DYNC1LI2: variants seen among roughly 807,000 people sequenced by gnomAD.
DYNC1LI2 encodes cytoplasmic dynein 1 light intermediate chain 2.
DYNC1LI2 carries 19 observed loss-of-function variants against 57.8 expected under a neutral mutation model. That is an observed-to-expected ratio of 0.33 (90% confidence interval 0.23 to 0.48). DYNC1LI2 has a LOEUF of 0.48. Among genes scored for constraint, DYNC1LI2 ranks in the 20% least tolerant of loss-of-function variants. DYNC1LI2 has a pLI of 0.99. For synonymous variants in DYNC1LI2, 256 were observed against 233.4 expected, an observed-to-expected ratio of 1.10 and a Z score of -0.88; for missense variants, 470 against 604.2, an observed-to-expected ratio of 0.78 and a Z score of 2.33.
At chr16:66,746,442 T>C (rs2017936685) in intron 3 of DYNC1LI2, among the ~76,000 whole-genome samples, 1 of 152,062 alleles carries the variant, frequency 6.6e-6, no homozygotes. Context: ...GGCTGGAAAA[T>C]GTACCATTAA....
chr16:66,745,070 A>C (rs1277062514), intron 3 of DYNC1LI2, among the ~76,000 whole-genome samples: 1 of 149,504 alleles, frequency 6.7e-6, no homozygotes, highest in Non-Finnish European at 1.5e-5. Flanking sequence ...CACTACGCCC[A>C]GCTAATTTTT....
rs371413263 is a variant in DYNC1LI2 at position 66,732,372 on chromosome 16, G to C, written c.896C>G (p.Pro299Arg). 1.2e-6 allele frequency: 2 copies of C among 1,613,624 alleles called. No homozygotes were observed. Among genetic ancestry groups the C allele is most frequent in the Non-Finnish European group, 1.7e-6 (2 of 1,179,870 alleles). ...HKTYGFHFTT[P>R]ALVVEKDAVF... ...GGCATCCTTTTCCACAACTAAGGCA[G>C]GTGTGGTGAAGTGGAAACCGTATGT... The change falls in exon 7 of 13, where the codon CCT becomes CGT. Residue 299 changes from proline (P) to arginine (R), a missense_variant. By Grantham distance (103) the Pro-to-Arg change is moderately radical (BLOSUM62 -2). Coordinates refer to ENST00000258198, the MANE Select transcript of DYNC1LI2 (RefSeq NM_006141.3).
intron 12 of DYNC1LI2, among the ~76,000 whole-genome samples, chr16:66,724,085 A>C (rs1022504853): frequency 6.6e-6 from 1 of 152,112 alleles, no homozygotes; most frequent in Non-Finnish European, 1.5e-5. Flanking sequence ...CCTTTGTGCC[A>C]AATACAAGAA....
intron 4 of DYNC1LI2, among the ~76,000 whole-genome samples, chr16:66,742,179 G>A (rs2017852281): frequency 1.3e-5 from 2 of 152,150 alleles, no homozygotes; most frequent in African/African-American, 2.4e-5. Context: ...AGGGAGTGAG[G>A]GAAGAACTCT....
intron 3 of DYNC1LI2, among the ~76,000 whole-genome samples, chr16:66,744,210 C>T (rs1002429470): frequency 6.6e-6 from 1 of 152,096 alleles, no homozygotes; most frequent in Non-Finnish European, 1.5e-5. Flanking sequence ...AGCCACCATG[C>T]CCAGCTAATT....
intron 3 of DYNC1LI2, among the ~76,000 whole-genome samples, chr16:66,742,883 G>C (rs1433692478): frequency 2.0e-5 from 3 of 152,204 alleles, no homozygotes; most frequent in Non-Finnish European, 4.4e-5. Context: ...TAGGGTCCAG[G>C]CATGGTGGCT....
At chr16:66,738,167 T>C (rs972692903) in intron 4 of DYNC1LI2, 2 of 152,054 alleles carry the variant, frequency 1.3e-5, no homozygotes, top group African/African-American at 4.8e-5. Flanking sequence ...CTGTCTTTCA[T>C]GTAACAGTGA....
chr16:66,741,756 G>A (rs1051852783), intron 4 of DYNC1LI2, among the ~76,000 whole-genome samples: 1 of 151,804 alleles, frequency 6.6e-6, no homozygotes, highest in Non-Finnish European at 1.5e-5. Context: ...TAACTGCACA[G>A]AAGCAAGGGA....
intron 12 of DYNC1LI2, 101 bp downstream of exon 12, chr16:66,725,727 T>C: frequency 8.6e-7 from 1 of 1,159,864 alleles, no homozygotes; most frequent in Non-Finnish European, 1.2e-6. Flanking sequence ...CTTGCTTGGC[T>C]ATTCAGGACA....
At position 66,722,055 on chromosome 16, in the gene DYNC1LI2, A is replaced by G. The variant is rs1009004701; in HGVS notation, c.*1667T>C. ...TGAATTAAAAAAGGAAAAAAATAGT[A>G]TATCTCAACAATAAAACTGGCACAA... On this transcript the variant is annotated 3_prime_UTR_variant, in exon 13 of 13. Transcript: ENST00000258198. 6 of 152,660 alleles carry G rather than the reference A, an allele frequency of 3.9e-5. No homozygotes were observed. The highest frequency in any genetic ancestry group is 1.9e-4 in the East Asian group (1 of 5,204). The allele number at this position is 152,660 out of a possible 1,614,324, so 9.5% of individuals were successfully genotyped here. A position where few individuals can be genotyped will look rare whatever the true frequency, so the allele number is the denominator to read the frequency against.
At chr16:66,734,169 T>A (rs758449853) in intron 6 of DYNC1LI2, 49 bp downstream of exon 6, 1 of 1,585,174 alleles carries the variant, frequency 6.3e-7, no homozygotes, top group East Asian at 2.2e-5. Context: ...AGATGCCCCA[T>A]TTGGAAGAAA....
intron 6 of DYNC1LI2, chr16:66,733,971 G>A (rs2017684815): frequency 7.0e-6 from 3 of 426,354 alleles, no homozygotes; most frequent in Non-Finnish European, 1.3e-5. Flanking sequence ...GACTAGCCTG[G>A]CCAAAGTGGT....
rs1204354693 is a variant in DYNC1LI2 at position 66,723,657 on chromosome 16, C to A, written c.*65G>T. ...TAGCATGTGCCATATCAGAAAAATCCTGGTCTTAGCAGATCAATATACATA... is the reference window on the plus strand; with the variant it reads ...TAGCATGTGCCATATCAGAAAAATCATGGTCTTAGCAGATCAATATACATA... On this transcript the variant is annotated 3_prime_UTR_variant, in exon 13 of 13. Coordinates refer to ENST00000258198, the MANE Select transcript of DYNC1LI2 (RefSeq NM_006141.3). 1 of 1,448,000 alleles carries A rather than the reference C, an allele frequency of 6.9e-7. No homozygotes were observed. The highest frequency in any genetic ancestry group is 9.4e-7 in the Non-Finnish European group (1 of 1,065,038). 89.7% of individuals were successfully genotyped at this position (1,448,000 alleles called of 1,614,324 possible).
chr16:66,736,004 T>C, intron 5 of DYNC1LI2, 71 bp downstream of exon 5: 1 of 1,534,616 alleles, frequency 6.5e-7, no homozygotes. Flanking sequence ...ACGTCAACAG[T>C]TTCTCAAACT....
At position 66,736,215 on chromosome 16, in the gene DYNC1LI2, G is replaced by C. The variant is rs771028906; in HGVS notation, c.559C>G (p.Pro187Ala). The C allele has an allele frequency of 6.2e-6, 10 of 1,613,846 alleles. No individual in the cohort carries two copies. Among genetic ancestry groups the C allele is most frequent in the Non-Finnish European group, 8.5e-7 (1 of 1,179,998 alleles). Residue 187 changes from proline (P) to alanine (A), a missense_variant, in exon 5 of 13, where the codon CCT (proline) becomes GCT (alanine). Physicochemically the swap from Pro to Ala is conservative, Grantham distance 27 (BLOSUM62 -1). Coordinates refer to ENST00000258198, the MANE Select transcript of DYNC1LI2 (RefSeq NM_006141.3). ...FVKDFQDYME[P>A]EEGCQGSPQR... The stretch of plus-strand genomic sequence containing the variant: ...GGGGAACCTTGACAACCTTCTTCAG[G>C]TTCCATATAGTCTTGAAAATCTTTC...
Position 66,725,879 on chromosome 16 carries a change from A to T in DYNC1LI2, c.1327T>A (p.Ser443Thr). The T allele has an allele frequency of 6.2e-7, 1 of 1,614,132 alleles. No individual in the cohort carries two copies. Among genetic ancestry groups the T allele is most frequent in the Non-Finnish European group, 8.5e-7 (1 of 1,180,020 alleles). ...FNSLLSKKTG[S>T]PGSPGAGGVQ... ...CCACCAGCACCAGGACTTCCAGGAG[A>T]GCCTGTCTTTTTACTCAACAGACTG... Residue 443 changes from serine to threonine, a missense_variant, in exon 12 of 13, where the codon TCT becomes ACT. Transcript: ENST00000258198.
At chr16:66,724,759 A>AC (rs1450864177) in intron 12 of DYNC1LI2, 1 of 152,188 alleles carries the variant, frequency 6.6e-6, no homozygotes, top group African/African-American at 2.4e-5. Flanking sequence ...CTGCAGTGAG[A>AC]CAGTGAGGGT....
chr16:66,740,268 A>T (rs1039347121), intron 4 of DYNC1LI2, among the ~76,000 whole-genome samples: 2 of 152,170 alleles, frequency 1.3e-5, no homozygotes, highest in Non-Finnish European at 2.9e-5. Flanking sequence ...TTCCAAAATC[A>T]TAAGAATGGA....
At chr16:66,744,638 C>G (rs1223887331) in intron 3 of DYNC1LI2, among the ~76,000 whole-genome samples, 2 of 151,870 alleles carry the variant, frequency 1.3e-5, no homozygotes, top group Admixed American at 1.3e-4. Context: ...CCGCCGCCAC[C>G]CCTCCCTGCT....
Sources: allele counts gnomAD v4.1 joint callset (sites outside exome capture counted in the v4.1 genomes callset), GRCh38; gene constraint gnomAD v4.1.1; transcripts MANE v1.5; gene names NCBI Gene and HGNC (gene_info 2026-07-23, HGNC 2026-07-21).